Variants in LRCH1 observed in about 807,000 individuals in gnomAD.
LRCH1 encodes the protein leucine-rich repeat and calponin homology domain-containing protein 1.
LRCH1 carries 23 observed loss-of-function variants against 94.9 expected under a neutral mutation model. The observed-to-expected ratio is 0.24, with a 90% CI of 0.17 to 0.34. The LOEUF (loss-of-function observed/expected upper bound fraction) is 0.34, where lower values mean the gene tolerates loss of function less well. LRCH1 is among the 10% of genes least tolerant of loss of function. The pLI is 1.00. For synonymous variants in LRCH1, 364 were observed against 354.9 expected (o/e 1.03, Z -0.29); for missense variants, 790 against 945.9 (o/e 0.84, Z 2.16).
chr13:46,636,838 T>C (rs987291309), intron 1 of LRCH1, among the ~76,000 whole-genome samples: 3 of 152,194 alleles, frequency 2.0e-5, no homozygotes, highest in Non-Finnish European at 4.4e-5. Flanking sequence ...GTGTTCTTCC[T>C]CTTGTTGCCT....
chr13:46,714,414 C>T (rs1364378621), intron 15 of LRCH1, among the ~76,000 whole-genome samples: 1 of 152,138 alleles, frequency 6.6e-6, no homozygotes, highest in African/African-American at 2.4e-5. Flanking sequence ...GTAATATATA[C>T]AGTAATCTTA....
At chr13:46,623,433 A>C (rs937568195) in intron 1 of LRCH1, among the ~76,000 whole-genome samples, 2 of 152,206 alleles carry the variant, frequency 1.3e-5, no homozygotes, top group African/African-American at 4.8e-5. Flanking sequence ...AGTCTTAAAT[A>C]AAATGTCTAT....
At chr13:46,689,283 C>T (rs901972572) in intron 7 of LRCH1, 87 bp downstream of exon 7, 7 of 938,004 alleles carry the variant, frequency 7.5e-6, no homozygotes, top group South Asian at 1.7e-5. Flanking sequence ...TAAAGGGCAT[C>T]GATTCATTTG....
At chr13:46,717,112 A>G (rs1039915572) in intron 16 of LRCH1, among the ~76,000 whole-genome samples, 1 of 151,986 alleles carries the variant, frequency 6.6e-6, no homozygotes, top group Non-Finnish European at 1.5e-5. Context: ...TAGAATTACT[A>G]TCTTTATAGA....
intron 17 of LRCH1, among the ~76,000 whole-genome samples, chr13:46,723,869 A>C (rs1376343178): frequency 6.6e-6 from 1 of 152,166 alleles, no homozygotes; most frequent in Non-Finnish European, 1.5e-5. Context: ...GATAGTAGTA[A>C]ATAAAAAATA....
chr13:46,676,979 A>G (rs919641637), intron 3 of LRCH1, among the ~76,000 whole-genome samples: 6 of 151,980 alleles, frequency 3.9e-5, no homozygotes, highest in African/African-American at 1.2e-4. Context: ...AGGGTTTCCT[A>G]ATGTTCTCTA....
chr13:46,641,746 A>G (rs895759879), intron 1 of LRCH1, among the ~76,000 whole-genome samples: 2 of 152,070 alleles, frequency 1.3e-5, no homozygotes, highest in Non-Finnish European at 2.9e-5. Flanking sequence ...CTGAGACACC[A>G]CTTTCCTTTT....
intron 1 of LRCH1, among the ~76,000 whole-genome samples, chr13:46,578,063 T>C (rs1049766410): frequency 1.3e-5 from 2 of 152,202 alleles, no homozygotes; most frequent in Admixed American, 1.3e-4. Context: ...TGCTCCCTTA[T>C]AATCACAGGC....
At chr13:46,712,871 T>A (rs1445290300) in intron 15 of LRCH1, among the ~76,000 whole-genome samples, 1 of 152,156 alleles carries the variant, frequency 6.6e-6, no homozygotes, top group Non-Finnish European at 1.5e-5. Flanking sequence ...AATATTCTAT[T>A]GATTTTTTTT....
intron 1 of LRCH1, among the ~76,000 whole-genome samples, chr13:46,596,580 A>G (rs551227467): frequency 1.2e-4 from 19 of 152,356 alleles, no homozygotes. Flanking sequence ...GAACAGAGAC[A>G]TCTTTGTTAG....
intron 1 of LRCH1, among the ~76,000 whole-genome samples, chr13:46,639,019 A>C (rs1387966129): frequency 6.6e-6 from 1 of 152,254 alleles, no homozygotes; most frequent in Non-Finnish European, 1.5e-5. Context: ...AACAGCTTCC[A>C]GCAAAGAAAA....
chr13:46,572,610 C>G (rs2050252883), intron 1 of LRCH1, among the ~76,000 whole-genome samples: 1 of 151,980 alleles, frequency 6.6e-6, no homozygotes, highest in South Asian at 2.1e-4. Flanking sequence ...AAAAAAAAAG[C>G]TCGACAAAAT....
chr13:46,598,589 A>G (rs1266765353), intron 1 of LRCH1, among the ~76,000 whole-genome samples: 1 of 107,262 alleles, frequency 9.3e-6, no homozygotes, highest in Non-Finnish European at 1.9e-5. Context: ...CACCACTAAC[A>G]ACAACAAAAA....
intron 2 of LRCH1, among the ~76,000 whole-genome samples, chr13:46,657,278 T>C (rs899270550): frequency 1.3e-5 from 2 of 151,872 alleles, no homozygotes; most frequent in African/African-American, 4.8e-5. Context: ...ATGAGACAGA[T>C]AAAAAGCACT....
chr13:46,744,557 T>C lies in LRCH1; in HGVS notation c.*2709T>C. On this transcript the variant is annotated 3_prime_UTR_variant, in exon 20 of 20. Transcript: ENST00000389797. The stretch of plus-strand genomic sequence containing the variant: ...AGGGGCCCCGCAGAACTACAATGTA[T>C]GATAATCGAGTATAAATTTCATCAA... 1 of 985,270 alleles carries C rather than the reference T, an allele frequency of 1.0e-6. No homozygotes were observed. The highest frequency in any genetic ancestry group is 1.1e-4 in the East Asian group (1 of 8,816). 61.0% of individuals were successfully genotyped at this position (985,270 alleles called of 1,614,324 possible).
chr13:46,677,941 T>C (rs2051699974), intron 3 of LRCH1, among the ~76,000 whole-genome samples: 1 of 152,228 alleles, frequency 6.6e-6, no homozygotes, highest in Non-Finnish European at 1.5e-5. Context: ...TAGGGTGCTA[T>C]GATTTCACTG....
At chr13:46,703,624 TTATC>T (rs1308813771) in intron 11 of LRCH1, among the ~76,000 whole-genome samples, 2 of 152,216 alleles carry the variant, frequency 1.3e-5, no homozygotes, top group African/African-American at 2.4e-5. Context: ...GAAAAAGAAA[TTATC>T]TAACAATTTG....
intron 13 of LRCH1, among the ~76,000 whole-genome samples, chr13:46,709,517 T>C (rs1871946206): frequency 6.6e-6 from 1 of 152,232 alleles, no homozygotes; most frequent in Non-Finnish European, 1.5e-5. Context: ...ATGTACCAGG[T>C]CCAACCTTCC....
chr13:46,701,367 A>G (rs1245096409), intron 11 of LRCH1, among the ~76,000 whole-genome samples, 160 bp downstream of exon 11: 1 of 152,232 alleles, frequency 6.6e-6, no homozygotes, highest in Non-Finnish European at 1.5e-5. Context: ...CCCAAGATGC[A>G]AAAGTAAAAG....
Sources: gnomAD v4.1 joint callset for allele counts (sites outside exome capture counted in the v4.1 genomes callset) on GRCh38, gnomAD v4.1.1 for gene constraint, MANE v1.5 for transcripts, NCBI Gene and HGNC (gene_info 2026-07-23, HGNC 2026-07-21) for gene names.